HTR1F: variants seen among roughly 807,000 people sequenced by gnomAD.
HTR1F encodes the protein 5-hydroxytryptamine receptor 1F, also known as 5-hydroxytryptamine (serotonin) receptor 1F, G protein-coupled.
Under a neutral mutation model 24.0 loss-of-function variants are expected in HTR1F, and 17 were observed. The observed-to-expected ratio is 0.71, with a 90% CI of 0.48 to 1.06. The LOEUF is 1.06. Among genes scored for constraint, HTR1F ranks in the 50% least tolerant of loss-of-function variants. The probability of loss-of-function intolerance (pLI) is 0.00; values close to 1 mark genes in which losing one functional copy is unlikely to be tolerated. For missense variants in HTR1F, 391 were observed against 427.8 expected (o/e 0.91, Z 0.76); for synonymous variants, 186 against 156.8 (o/e 1.19, Z -1.39).
In HTR1F at chr3:87,908,235, A is replaced by C. The variant is rs368096326; in HGVS notation, c.-42-82473A>C. 2.6e-5 allele frequency among the ~76,000 whole-genome samples: 4 copies of C among 152,132 alleles called. No individual in the cohort carries two copies. The South Asian group carries it at 8.3e-4, about 31-fold the overall frequency. Reference sequence around the variant, plus strand: ...ATTCTGATACAGTGATACTTTATGTAGAACAGTTCAATAAATACCATGTAA... The same window carrying C: ...ATTCTGATACAGTGATACTTTATGTCGAACAGTTCAATAAATACCATGTAA... On this transcript the variant is annotated intron_variant, in intron 2 of 2. Coordinates refer to ENST00000319595, the MANE Select transcript of HTR1F (RefSeq NM_001322209.2).
chr3:87,849,427 C>T (rs1331543113), intron 2 of HTR1F, among the ~76,000 whole-genome samples: 1 of 151,790 alleles, frequency 6.6e-6, no homozygotes, highest in Non-Finnish European at 1.5e-5. Context: ...GAAACTGGAT[C>T]CCTTTCTTAC....
intron 2 of HTR1F, among the ~76,000 whole-genome samples, chr3:87,843,604 G>C (rs1055687477): frequency 6.7e-6 from 1 of 149,058 alleles, no homozygotes; most frequent in Non-Finnish European, 1.5e-5. Context: ...ATGTATACAT[G>C]TGCCATGCTG....
At chr3:87,987,912 T>C (rs1421413857) in intron 2 of HTR1F, among the ~76,000 whole-genome samples, 1 of 149,304 alleles carries the variant, frequency 6.7e-6, no homozygotes. Flanking sequence ...GAAATAAGAA[T>C]GTAAAAATGA....
chr3:87,896,906 G>A (rs1706209484), intron 2 of HTR1F, among the ~76,000 whole-genome samples: 1 of 152,082 alleles, frequency 6.6e-6, no homozygotes, highest in South Asian at 2.1e-4. Flanking sequence ...AAAGACAAGA[G>A]ATACATGTCG....
intron 2 of HTR1F, among the ~76,000 whole-genome samples, chr3:87,915,198 ATAAC>A (rs1374289236): frequency 6.6e-6 from 1 of 152,160 alleles, no homozygotes; most frequent in Non-Finnish European, 1.5e-5. Flanking sequence ...AAGAATCTAA[ATAAC>A]AGCCTTCAGG....
At chr3:87,865,159 A>G (rs1705399634) in intron 2 of HTR1F, among the ~76,000 whole-genome samples, 1 of 152,018 alleles carries the variant, frequency 6.6e-6, no homozygotes, top group South Asian at 2.1e-4. Flanking sequence ...TGGTGACTTT[A>G]TTTACTTGCT....
intron 2 of HTR1F, among the ~76,000 whole-genome samples, chr3:87,940,766 C>G (rs759179140): frequency 3.9e-5 from 6 of 152,130 alleles, no homozygotes; most frequent in Non-Finnish European, 5.9e-5. Context: ...GTACTGGTAC[C>G]ACAACAGACA....
chr3:87,802,787 T>C (rs1300758206), intron 1 of HTR1F, among the ~76,000 whole-genome samples: 1 of 152,138 alleles, frequency 6.6e-6, no homozygotes, highest in Non-Finnish European at 1.5e-5. Flanking sequence ...TAAAAGTAAA[T>C]AGGTTAGTTG....
chr3:87,977,393 C>CTTTT (rs34070984), intron 2 of HTR1F, among the ~76,000 whole-genome samples: 9 of 73,084 alleles, frequency 1.2e-4, no homozygotes, highest in African/African-American at 2.8e-4. Flanking sequence ...GAAGCTGAGA[C>CTTTT]TTTTTTTTTT....
At chr3:87,966,647 A>G (rs1455727697) in intron 2 of HTR1F, among the ~76,000 whole-genome samples, 3 of 150,364 alleles carry the variant, frequency 2.0e-5, no homozygotes, top group Non-Finnish European at 4.4e-5. Context: ...TTCATTAGTG[A>G]TCTAAGAATT....
intron 2 of HTR1F, among the ~76,000 whole-genome samples, chr3:87,851,129 A>T (rs1317553226): frequency 6.6e-6 from 1 of 151,472 alleles, no homozygotes; most frequent in East Asian, 1.9e-4. Flanking sequence ...ATCTTTCCAC[A>T]TTTTTCTTCT....
chr3:87,848,807 C>T (rs1192119975), intron 2 of HTR1F, among the ~76,000 whole-genome samples: 1 of 151,516 alleles, frequency 6.6e-6, no homozygotes, highest in African/African-American at 2.4e-5. Flanking sequence ...TTCTTATACA[C>T]CAATAACAGA....
intron 2 of HTR1F, among the ~76,000 whole-genome samples, chr3:87,890,361 A>G (rs759982438): frequency 2.6e-5 from 4 of 152,168 alleles, no homozygotes; most frequent in Non-Finnish European, 4.4e-5. Flanking sequence ...TTTTATCTCT[A>G]TTATGGGTCC....
intron 1 of HTR1F, among the ~76,000 whole-genome samples, chr3:87,795,306 A>G (rs1703886456): frequency 6.6e-6 from 1 of 152,226 alleles, no homozygotes; most frequent in African/African-American, 2.4e-5. Context: ...AATCAGAAAT[A>G]AAAGGAGTGA....
intron 1 of HTR1F, among the ~76,000 whole-genome samples, chr3:87,801,594 GC>G (rs1163595163): frequency 3.9e-5 from 6 of 152,170 alleles, no homozygotes; most frequent in African/African-American, 1.4e-4. Context: ...AGGAGGACTT[GC>G]CAGGAGGGAG....
chr3:87,930,630 T>C (rs1191968001), intron 2 of HTR1F, among the ~76,000 whole-genome samples: 2 of 152,210 alleles, frequency 1.3e-5, no homozygotes, highest in Non-Finnish European at 2.9e-5. Context: ...ATCCCTGGGG[T>C]GAAGTCTACT....
intron 2 of HTR1F, among the ~76,000 whole-genome samples, chr3:87,839,669 A>C (rs1704758716): frequency 2.0e-5 from 3 of 152,062 alleles, no homozygotes; most frequent in Admixed American, 1.3e-4. Context: ...GATTGTTACA[A>C]AGGTATATTG....
intron 2 of HTR1F, among the ~76,000 whole-genome samples, chr3:87,981,178 TTA>T (rs1191158552): frequency 2.6e-5 from 4 of 152,082 alleles, no homozygotes; most frequent in Admixed American, 2.0e-4. Context: ...CGGGTTTGTT[TTA>T]TGTTTTGGGT....
chr3:87,836,030 C>A (rs776673393), intron 2 of HTR1F, among the ~76,000 whole-genome samples: 1 of 152,142 alleles, frequency 6.6e-6, no homozygotes, highest in Non-Finnish European at 1.5e-5. Flanking sequence ...TATAATAATT[C>A]TAGATATTAT....
Sources: gnomAD v4.1 joint callset for allele counts (sites outside exome capture counted in the v4.1 genomes callset) on GRCh38, gnomAD v4.1.1 for gene constraint, MANE v1.5 for transcripts, NCBI Gene and HGNC (gene_info 2026-07-23, HGNC 2026-07-21) for gene names.